Variants in PIK3C3 observed in about 807,000 individuals in gnomAD.
The protein encoded by PIK3C3 is phosphatidylinositol 3-kinase catalytic subunit type 3.
A neutral mutation model predicts 126.1 loss-of-function variants in PIK3C3; 95 were observed. The observed-to-expected ratio is 0.75, with a 90% CI of 0.64 to 0.89. The LOEUF (loss-of-function observed/expected upper bound fraction) is 0.89, where lower values mean the gene tolerates loss of function less well. Ranked by LOEUF, PIK3C3 falls within the 40% of genes least tolerant of loss-of-function variation. The pLI is 0.00. For synonymous variants in PIK3C3, 374 were observed against 360.0 expected, an observed-to-expected ratio of 1.04 and a Z score of -0.44; for missense variants, 829 against 1,063.2, an observed-to-expected ratio of 0.78 and a Z score of 3.06.
intron 4 of PIK3C3, chr18:41,971,341 G>A (rs1004540965): frequency 7.2e-5 from 11 of 152,114 alleles, no homozygotes; most frequent in African/African-American, 2.6e-4. Context: ...ACATATAGAA[G>A]AAATCTTCAA....
chr18:41,993,440 T>A (rs1568126447), intron 7 of PIK3C3, 99 bp downstream of exon 7: 2 of 714,396 alleles, frequency 2.8e-6, no homozygotes, highest in Non-Finnish European at 4.9e-6. Flanking sequence ...AATATATAAC[T>A]GCCTCCGTTA....
In PIK3C3 at chr18:42,029,366, A is replaced by G; in HGVS notation, c.1632A>G (p.Ala544=). Residue 544 remains alanine (A), a synonymous_variant, in exon 15 of 25, where the codon GCA becomes GCG. Coordinates refer to ENST00000262039, the MANE Select transcript of PIK3C3 (RefSeq NM_002647.4). ...GAGTTATGCGTTCTTTGCTGGCTGC[A>G]CAACAGACATTTGTAGATCGGTTGG... ...SVRVMRSLLA[A]QQTFVDRLVH... is the part of the protein sequence containing the mutation. 6.2e-7 allele frequency: 1 copy of G among 1,613,864 alleles called. No individual in the cohort carries two copies. The highest frequency in any genetic ancestry group is 8.5e-7 in the Non-Finnish European group (1 of 1,179,876).
At chr18:42,012,285 C>T (rs1277007487) in intron 10 of PIK3C3, among the ~76,000 whole-genome samples, 2 of 151,938 alleles carry the variant, frequency 1.3e-5, no homozygotes, top group African/African-American at 4.8e-5. Context: ...GGTCTCTGTC[C>T]TCCTGGTTTA....
At chr18:41,987,015 G>C (rs1374030720) in intron 4 of PIK3C3, among the ~76,000 whole-genome samples, 1 of 152,026 alleles carries the variant, frequency 6.6e-6, no homozygotes. Context: ...AAGCTGTCAT[G>C]ATATGGACAA....
At chr18:41,960,932 C>A (rs1016846661) in intron 2 of PIK3C3, among the ~76,000 whole-genome samples, 1 of 151,700 alleles carries the variant, frequency 6.6e-6, no homozygotes, top group East Asian at 1.9e-4. Flanking sequence ...AGTAGAGACA[C>A]GGTTTCACCA....
intron 9 of PIK3C3, among the ~76,000 whole-genome samples, chr18:42,000,872 C>T (rs1598883736): frequency 6.6e-6 from 1 of 152,146 alleles, no homozygotes; most frequent in Admixed American, 6.5e-5. Context: ...CACCATGTCC[C>T]TCTCATAACA....
At chr18:42,011,244 A>G (rs1324946055) in intron 10 of PIK3C3, among the ~76,000 whole-genome samples, 1 of 152,226 alleles carries the variant, frequency 6.6e-6, no homozygotes, top group Non-Finnish European at 1.5e-5. Flanking sequence ...CAAGAGAGTC[A>G]GTCTATGGTT....
Position 41,962,569 on chromosome 18 carries a change from T to G in PIK3C3, c.338T>G (p.Val113Gly), listed in dbSNP as rs991277820. Residue 113 changes from valine to glycine, a missense_variant, in exon 3 of 25, where the codon GTG becomes GGG. By Grantham distance (109) the Val-to-Gly change is moderately radical. Around this residue, in one of 4 missense-constraint regions of PIK3C3, gnomAD observed 313 missense variants for 340.7 expected, o/e 0.92. Coordinates refer to ENST00000262039, the MANE Select transcript of PIK3C3 (RefSeq NM_002647.4). Reference protein sequence around the residue: ...NAQVALTIWDVYGPGKAVPVG... With the variant: ...NAQVALTIWDGYGPGKAVPVG... ...CAAGTGGCCCTCACCATATGGGATG[T>G]GTATGGTCCCGGAAAAGCAGTGCCT... 4 of 1,613,474 alleles carry G rather than the reference T, an allele frequency of 2.5e-6. No individual in the cohort carries two copies. Among genetic ancestry groups the G allele is most frequent in the Non-Finnish European group, 3.4e-6 (4 of 1,179,600 alleles).
chr18:41,992,417 C>G (rs1047043998), intron 6 of PIK3C3, among the ~76,000 whole-genome samples: 2 of 152,162 alleles, frequency 1.3e-5, no homozygotes, highest in Admixed American at 6.6e-5. Context: ...TACAGTGCTT[C>G]CCCGCTTTCA....
At chr18:42,003,039 C>G (rs1360659653) in intron 9 of PIK3C3, among the ~76,000 whole-genome samples, 2 of 152,138 alleles carry the variant, frequency 1.3e-5, no homozygotes, top group Non-Finnish European at 2.9e-5. Flanking sequence ...CTACATCTAG[C>G]TCATGCACCA....
chr18:42,021,735 T>A (rs1418566306), intron 13 of PIK3C3, among the ~76,000 whole-genome samples: 1 of 152,186 alleles, frequency 6.6e-6, no homozygotes, highest in Non-Finnish European at 1.5e-5. Flanking sequence ...ATCCAAAAAT[T>A]TGAAATCTGA....
intron 24 of PIK3C3, among the ~76,000 whole-genome samples, chr18:42,068,422 T>A (rs1418827448): frequency 6.6e-6 from 1 of 152,174 alleles, no homozygotes; most frequent in African/African-American, 2.4e-5. Context: ...CTGCTGTCAT[T>A]TCTTCAGCCC....
intron 4 of PIK3C3, among the ~76,000 whole-genome samples, chr18:41,987,157 A>G (rs1268878855): frequency 3.3e-5 from 5 of 152,004 alleles, no homozygotes; most frequent in African/African-American, 2.4e-5. Flanking sequence ...CTAATTCAAA[A>G]CCTGGTTCTA....
At chr18:42,054,552 G>A (rs1474187237) in intron 21 of PIK3C3, among the ~76,000 whole-genome samples, 1 of 151,978 alleles carries the variant, frequency 6.6e-6, no homozygotes, top group Non-Finnish European at 1.5e-5. Flanking sequence ...ATCCAGTCAA[G>A]TTGACAGTCA....
rs1352822684 is a variant in PIK3C3 at position 42,065,834 on chromosome 18, C to CTGA, written c.2523+1006_2523+1008dup. Among the ~76,000 whole-genome samples, 10 of 152,238 alleles carry CTGA rather than the reference C, an allele frequency of 6.6e-5. No individual in the cohort carries two copies. The South Asian group carries it at 1.9e-3, about 28-fold the overall frequency. ...GACAGCCTAACATAAGTCAGTAAAT[C>CTGA]TGATACCAAATAACTATTTATATAC... On this transcript the variant is annotated intron_variant, in intron 23 of 24. Transcript: ENST00000262039.
intron 9 of PIK3C3, among the ~76,000 whole-genome samples, chr18:42,000,800 G>T (rs534408075): frequency 6.6e-6 from 1 of 152,086 alleles, no homozygotes; most frequent in African/African-American, 2.4e-5. Context: ...GATCTCATGA[G>T]ACTTACTCAC....
chr18:42,000,750 G>A (rs2144374490), intron 9 of PIK3C3, among the ~76,000 whole-genome samples: 1 of 152,260 alleles, frequency 6.6e-6, no homozygotes, highest in South Asian at 2.1e-4. Flanking sequence ...AGCAAGCAAA[G>A]GGAGCTTGTG....
At chr18:42,061,555 C>G (rs1217676724) in intron 22 of PIK3C3, among the ~76,000 whole-genome samples, 10 of 151,980 alleles carry the variant, frequency 6.6e-5, no homozygotes, top group Non-Finnish European at 1.2e-4. Context: ...GCACGCTAGT[C>G]TGGGTGACAG....
intron 15 of PIK3C3, among the ~76,000 whole-genome samples, chr18:42,032,676 G>A (rs72893439): frequency 0.027 from 3,686 of 138,794 alleles, 73 homozygotes; most frequent in South Asian, 0.037. Context: ...TTTAATTAGC[G>A]CATCAACTAG....
Sources: gnomAD v4.1 joint callset for allele counts (sites outside exome capture counted in the v4.1 genomes callset) on GRCh38, gnomAD v4.1.1 for gene constraint, gnomAD v4.1.1 regional missense constraint, MANE v1.5 for transcripts, NCBI Gene and HGNC (gene_info 2026-07-23, HGNC 2026-07-21) for gene names.